HMGB1: variants seen among roughly 807,000 people sequenced by gnomAD.
HMGB1 encodes high mobility group box 1.
For missense variants in HMGB1, 79 were observed against 253.5 expected (o/e 0.31, Z 4.67); for synonymous variants, 81 against 84.0 (o/e 0.96, Z 0.19).
intron 1 of HMGB1, among the ~76,000 whole-genome samples, chr13:30,494,069 AGTT>A (rs1008243417): frequency 4.6e-5 from 7 of 152,114 alleles, no homozygotes; most frequent in African/African-American, 1.2e-4. Flanking sequence ...AACTCAGTAA[AGTT>A]GTTATTTTAA....
At chr13:30,510,161 T>C (rs937502755) in intron 1 of HMGB1, among the ~76,000 whole-genome samples, 1 of 152,182 alleles carries the variant, frequency 6.6e-6, no homozygotes, top group African/African-American at 2.4e-5. Flanking sequence ...CTCAGCCAGG[T>C]ATCTGCAAGC....
At chr13:30,463,916 CA>C in intron 1 of HMGB1, 1 of 467,086 alleles carries the variant, frequency 2.1e-6, no homozygotes, top group Admixed American at 4.1e-5. Context: ...AGGGCGATCT[CA>C]AAAAGTCTAG....
intron 1 of HMGB1, among the ~76,000 whole-genome samples, chr13:30,614,390 A>G (rs1181793472): frequency 6.6e-6 from 1 of 152,248 alleles, no homozygotes; most frequent in African/African-American, 2.4e-5. Flanking sequence ...AACTATAAGG[A>G]ACTCTCCTTA....
chr13:30,573,850 C>T (rs1394092890), intron 1 of HMGB1, among the ~76,000 whole-genome samples: 2 of 152,114 alleles, frequency 1.3e-5, no homozygotes, highest in Non-Finnish European at 2.9e-5. Flanking sequence ...GACGAGGTTT[C>T]ACCAGGTTGC....
At chr13:30,536,641 T>G (rs1868454130) in intron 1 of HMGB1, among the ~76,000 whole-genome samples, 1 of 152,214 alleles carries the variant, frequency 6.6e-6, no homozygotes, top group Non-Finnish European at 1.5e-5. Context: ...TGAGCCACCA[T>G]GCCCGGCCTA....
intron 1 of HMGB1, among the ~76,000 whole-genome samples, chr13:30,538,908 G>T (rs111305213): frequency 0.088 from 13,179 of 150,084 alleles, 1,896 homozygotes; most frequent in African/African-American, 0.31. Flanking sequence ...GTTTTGTTTT[G>T]TTTTTTGAGA....
At chr13:30,551,317 A>G (rs563871792) in intron 1 of HMGB1, among the ~76,000 whole-genome samples, 1 of 152,254 alleles carries the variant, frequency 6.6e-6, no homozygotes, top group African/African-American at 2.4e-5. Context: ...AAGGCTCATC[A>G]CTGAACTGAA....
At chr13:30,604,573 ACT>A (rs1206382127) in intron 1 of HMGB1, among the ~76,000 whole-genome samples, 1 of 152,032 alleles carries the variant, frequency 6.6e-6, no homozygotes. Context: ...AGGCTGAGAA[ACT>A]CTGTTATAAT....
At chr13:30,608,025 A>G (rs1049850767) in intron 1 of HMGB1, among the ~76,000 whole-genome samples, 1 of 152,178 alleles carries the variant, frequency 6.6e-6, no homozygotes. Context: ...CCCATAGAAT[A>G]CAGCACAGTG....
At chr13:30,596,222 C>A (rs1421778975) in intron 1 of HMGB1, among the ~76,000 whole-genome samples, 1 of 152,146 alleles carries the variant, frequency 6.6e-6, no homozygotes, top group Non-Finnish European at 1.5e-5. Context: ...ATCAATTACA[C>A]ACCAGAATAT....
chr13:30,486,984 C>A (rs1054182002), intron 1 of HMGB1, among the ~76,000 whole-genome samples: 1 of 152,104 alleles, frequency 6.6e-6, no homozygotes, highest in African/African-American at 2.4e-5. Context: ...TTTCTTCATG[C>A]CGGTCTTATT....
intron 1 of HMGB1, among the ~76,000 whole-genome samples, chr13:30,505,369 A>G (rs145964760): frequency 0.076 from 11,520 of 151,740 alleles, 565 homozygotes; most frequent in African/African-American, 0.14. Context: ...TAGTAGAGAC[A>G]GGGTTTCACC....
intron 1 of HMGB1, chr13:30,554,252 T>A: frequency 7.0e-7 from 1 of 1,426,732 alleles, no homozygotes; most frequent in Non-Finnish European, 9.9e-7. Context: ...ATTTCTCAAT[T>A]TCTTGTTGAA....
At chr13:30,584,770 A>T (rs1473309245) in intron 1 of HMGB1, among the ~76,000 whole-genome samples, 1 of 152,200 alleles carries the variant, frequency 6.6e-6, no homozygotes, top group African/African-American at 2.4e-5. Flanking sequence ...GATAGCTTCT[A>T]AAAATGCTTA....
At chr13:30,534,294 G>C (rs1046664189) in intron 1 of HMGB1, among the ~76,000 whole-genome samples, 2 of 152,178 alleles carry the variant, frequency 1.3e-5, no homozygotes, top group Non-Finnish European at 1.5e-5. Context: ...CACACTCCAC[G>C]GCCCAGGCCA....
At chr13:30,486,336 G>T (rs1887362351) in intron 1 of HMGB1, among the ~76,000 whole-genome samples, 2 of 152,182 alleles carry the variant, frequency 1.3e-5, no homozygotes, top group South Asian at 4.2e-4. Context: ...TTCCCTTAAA[G>T]GTTGGATGTT....
intron 1 of HMGB1, among the ~76,000 whole-genome samples, chr13:30,508,317 G>A (rs1887914587): frequency 6.6e-6 from 1 of 152,060 alleles, no homozygotes; most frequent in Non-Finnish European, 1.5e-5. Flanking sequence ...TTCAAGACCA[G>A]CCTGGCCAAC....
Position 30,592,831 on chromosome 13 carries a change from T to C in HMGB1, c.-15+23840A>G, listed in dbSNP as rs563537946. ...TATTTACCTGTGATACTGTTGAAAA[T>C]TATGAAAAAACAGATAATTTAAAAT... On this transcript the variant is annotated intron_variant, in intron 1 of 4. Transcript: ENST00000405805. Among the ~76,000 whole-genome samples, 5 of 150,280 alleles carry C rather than the reference T, an allele frequency of 3.3e-5. No individual in the cohort carries two copies. In the East Asian group the frequency reaches 9.8e-4, roughly 29 times the overall value.
chr13:30,463,657 C>T lies in HMGB1; in HGVS notation c.24G>A (p.Lys8=). MGKGDPK[K]PRGKMSSYAF... ...CATATGATGACATTTTGCCTCTCGG[C>T]TTCTTAGGATCTCCTTTGCCCATGT... The change falls in exon 2 of 5, where the codon AAG becomes AAA. Residue 8 remains lysine (K), a synonymous_variant. Transcript: ENST00000341423. 2.5e-6 allele frequency: 4 copies of T among 1,581,946 alleles called. No homozygotes were observed. Among genetic ancestry groups the T allele is most frequent in the Non-Finnish European group, 3.4e-6 (4 of 1,166,018 alleles).
Sources: allele counts gnomAD v4.1 joint callset (sites outside exome capture counted in the v4.1 genomes callset), GRCh38; gene constraint gnomAD v4.1.1; transcripts MANE v1.5; gene names NCBI Gene and HGNC (gene_info 2026-07-23, HGNC 2026-07-21).